The following KDM6A variants were observed in gnomAD, a reference collection of about 807,000 sequenced individuals.
The protein encoded by KDM6A is lysine demethylase 6A.
KDM6A carries 11 observed loss-of-function variants against 117.6 expected under a neutral mutation model. The observed-to-expected ratio is 0.09, with a 90% CI of 0.06 to 0.15. The LOEUF (loss-of-function observed/expected upper bound fraction) is 0.15. Ranked by LOEUF, KDM6A falls within the 10% of genes least tolerant of loss-of-function variation. KDM6A has a pLI of 1.00. For missense variants in KDM6A, 799 were observed against 1,077.3 expected (o/e 0.74, Z 3.62); for synonymous variants, 384 against 396.1 (o/e 0.97, Z 0.36).
intron 2 of KDM6A, among the ~76,000 whole-genome samples, chrX:44,883,065 G>GTT (rs56794838): frequency 9.3e-4 from 93 of 99,643 alleles, no homozygotes; most frequent in African/African-American, 2.4e-3. Context: ...GAGCAGTTAA[G>GTT]TTTTTTTTTT....
intron 3 of KDM6A, among the ~76,000 whole-genome samples, chrX:44,970,760 A>C (rs755356341): frequency 1.8e-5 from 2 of 112,138 alleles, no homozygotes; most frequent in Non-Finnish European, 3.8e-5. Context: ...ATTACCTCAC[A>C]TAATAGGAAG....
At chrX:44,997,280 A>C (rs759269448) in intron 4 of KDM6A, among the ~76,000 whole-genome samples, 1 of 112,088 alleles carries the variant, frequency 8.9e-6, no homozygotes, top group African/African-American at 3.2e-5. Context: ...TATTGAGTGG[A>C]AAGTAGCTTT....
At chrX:45,086,009 CAT>C (rs758120662) in intron 25 of KDM6A, 30 bp downstream of exon 25, 1 of 901,751 alleles carries the variant, frequency 1.1e-6, no homozygotes, top group Admixed American at 2.2e-5. Flanking sequence ...TTTCTTAAAA[CAT>C]ATATTAGAAA....
intron 18 of KDM6A, among the ~76,000 whole-genome samples, chrX:45,073,011 A>G (rs1461939891): frequency 1.8e-5 from 2 of 108,869 alleles, no homozygotes; most frequent in African/African-American, 3.4e-5. Context: ...TCCCAATGCT[A>G]TCCCTCCCCC....
chrX:45,042,135 GCAGGCA>G (rs2043265448), intron 8 of KDM6A, among the ~76,000 whole-genome samples: 1 of 108,319 alleles, frequency 9.2e-6, no homozygotes, highest in Non-Finnish European at 1.9e-5. Context: ...GCCTGCAATC[GCAGGCA>G]CTCGGCAGGC....
intron 2 of KDM6A, among the ~76,000 whole-genome samples, chrX:44,923,567 CAG>C (rs1302982520): frequency 1.6e-5 from 1 of 61,512 alleles, no homozygotes; most frequent in Admixed American, 2.8e-4. Context: ...TTTTTTGAGA[CAG>C]AGTCTCGCTC....
At chrX:44,894,349 C>G (rs1368041489) in intron 2 of KDM6A, among the ~76,000 whole-genome samples, 1 of 111,323 alleles carries the variant, frequency 9.0e-6, no homozygotes, top group Admixed American at 9.6e-5. Context: ...CTTTTTGGAG[C>G]TTTTGATTAG....
chrX:45,041,531 C>T (rs912803139), intron 8 of KDM6A, among the ~76,000 whole-genome samples: 13 of 107,789 alleles, frequency 1.2e-4, no homozygotes, highest in African/African-American at 4.5e-4. Context: ...CCTCACTTCT[C>T]AGACAGGGCG....
At chrX:45,035,368 A>T (rs919790146) in intron 7 of KDM6A, among the ~76,000 whole-genome samples, 1 of 112,207 alleles carries the variant, frequency 8.9e-6, no homozygotes, top group Non-Finnish European at 1.9e-5. Flanking sequence ...TGCGTGGGAT[A>T]AAAATTATTG....
At chrX:44,886,063 T>C (rs1410967386) in intron 2 of KDM6A, among the ~76,000 whole-genome samples, 1 of 110,691 alleles carries the variant, frequency 9.0e-6, no homozygotes, top group Non-Finnish European at 1.9e-5. Flanking sequence ...AAAATACTGG[T>C]AGTTTTTTTT....
At chrX:44,895,761 TTAAGTTTC>T (rs2033795957) in intron 2 of KDM6A, among the ~76,000 whole-genome samples, 1 of 109,836 alleles carries the variant, frequency 9.1e-6, no homozygotes, top group Non-Finnish European at 1.9e-5. Context: ...TAGTAGTGTG[TTAAGTTTC>T]TAAGTATTTG....
At chrX:44,906,110 TC>T (rs746245254) in intron 2 of KDM6A, among the ~76,000 whole-genome samples, 22 of 111,705 alleles carry the variant, frequency 2.0e-4, no homozygotes, top group African/African-American at 6.8e-4. Flanking sequence ...CATTTGGGCC[TC>T]CATATAACTT....
intron 18 of KDM6A, among the ~76,000 whole-genome samples, chrX:45,071,094 C>T (rs1447473343): frequency 1.8e-5 from 2 of 111,976 alleles, no homozygotes; most frequent in African/African-American, 6.5e-5. Context: ...TATAATTTTT[C>T]TCATTTACTT....
chrX:45,045,335 C>T (rs946887273), intron 8 of KDM6A, among the ~76,000 whole-genome samples: 2 of 110,760 alleles, frequency 1.8e-5, no homozygotes, highest in Non-Finnish European at 3.8e-5. Flanking sequence ...TGCCTGTAAT[C>T]CCAACACTTT....
At chrX:44,929,057 A>G (rs987371229) in intron 2 of KDM6A, among the ~76,000 whole-genome samples, 8 of 110,233 alleles carry the variant, frequency 7.3e-5, no homozygotes, top group African/African-American at 2.3e-4. Context: ...CAGCCTCCCG[A>G]GTAGCTGAGA....
At position 45,111,595 on chromosome X, in the gene KDM6A, C is replaced by A; in HGVS notation, c.*184C>A. 2.3e-6 allele frequency: 1 copy of A among 441,119 alleles called. No homozygotes were observed. Among genetic ancestry groups the A allele is most frequent in the Non-Finnish European group, 4.0e-6 (1 of 249,259 alleles). 36.4% of individuals were successfully genotyped at this position (441,119 alleles called of 1,213,427 possible). A position where few individuals can be genotyped will look rare whatever the true frequency, so the allele number is the denominator to read the frequency against. ...AGTACTGCTCCTACTCCAGGACTCT[C>A]ACAAAGCTGATGAGCTGTACTTCAG... On this transcript the variant is annotated 3_prime_UTR_variant, in exon 30 of 30. Coordinates refer to ENST00000611820, the MANE Select transcript of KDM6A (RefSeq NM_001291415.2).
Position 45,011,011 on chromosome X carries a change from A to G in KDM6A, c.435A>G (p.Ala145=). 3 of 1,187,183 alleles carry G rather than the reference A, an allele frequency of 2.5e-6. No individual in the cohort carries two copies. The highest frequency in any genetic ancestry group is 3.4e-6 in the Non-Finnish European group (3 of 874,064). The change falls in exon 5 of 30, where the codon GCA becomes GCG. Residue 145 remains alanine, a synonymous_variant. Transcript: ENST00000611820. ...GTTTGGTCTACTTCCATTATAATGC[A>G]TTTCAGTGGTAAGTTGACATAAAAC... The part of the protein sequence containing the change: ...GLGLVYFHYN[A]FQWAIKAFQE...
chrX:45,002,782 C>T (rs1275855557), intron 4 of KDM6A, among the ~76,000 whole-genome samples: 1 of 108,015 alleles, frequency 9.3e-6, no homozygotes, highest in African/African-American at 3.4e-5. Flanking sequence ...ACATCCCTTT[C>T]TTTAAACAAC....
chrX:45,031,195 C>G (rs974657851), intron 6 of KDM6A, among the ~76,000 whole-genome samples: 1 of 112,016 alleles, frequency 8.9e-6, no homozygotes, highest in African/African-American at 3.2e-5. Flanking sequence ...CTTTCCTCAT[C>G]TATATCTTTT....
Sources: gnomAD v4.1 joint callset for allele counts (sites outside exome capture counted in the v4.1 genomes callset) on GRCh38, gnomAD v4.1.1 for gene constraint, MANE v1.5 for transcripts, NCBI Gene and HGNC (gene_info 2026-07-23, HGNC 2026-07-21) for gene names.